Variants in FOXK1 observed in about 807,000 individuals in gnomAD.
FOXK1 encodes forkhead box K1, also known as forkhead box protein K1.
In FOXK1, 19 loss-of-function variants were observed where a neutral mutation model predicts 51.9. The ratio of observed to expected loss-of-function variants is 0.37; its 90% CI spans 0.26 to 0.54. The LOEUF (loss-of-function observed/expected upper bound fraction) is 0.54. Ranked by LOEUF, FOXK1 falls within the 20% of genes least tolerant of loss-of-function variation. FOXK1 has a pLI of 0.87. For missense variants in FOXK1, 870 were observed against 1,032.7 expected, an observed-to-expected ratio of 0.84 and a Z score of 2.16; for synonymous variants, 537 against 482.6, an observed-to-expected ratio of 1.11 and a Z score of -1.48.
chr7:4,760,197 T>TG (rs1393188751), intron 7 of FOXK1, among the ~76,000 whole-genome samples: 3 of 152,226 alleles, frequency 2.0e-5, no homozygotes, highest in Non-Finnish European at 4.4e-5. Flanking sequence ...AGAATGAGCC[T>TG]GGGAAGACTG....
chr7:4,713,877 G>C (rs936626252), intron 1 of FOXK1, among the ~76,000 whole-genome samples: 5 of 151,910 alleles, frequency 3.3e-5, no homozygotes, highest in African/African-American at 1.2e-4. Flanking sequence ...CCAGGCTGGA[G>C]TGCAGTGGCG....
chr7:4,705,180 A>T (rs924931432), intron 1 of FOXK1, among the ~76,000 whole-genome samples: 3 of 151,656 alleles, frequency 2.0e-5, no homozygotes, highest in Non-Finnish European at 4.4e-5. Context: ...TTAAAGTCAG[A>T]ATTTTATTGT....
chr7:4,739,835 G>A (rs1780608289), intron 1 of FOXK1, among the ~76,000 whole-genome samples: 1 of 152,200 alleles, frequency 6.6e-6, no homozygotes, highest in Non-Finnish European at 1.5e-5. Context: ...TGCTATTTCA[G>A]TCTTCCAGTG....
chr7:4,701,177 A>G (rs1444905279), intron 1 of FOXK1, among the ~76,000 whole-genome samples: 1 of 152,220 alleles, frequency 6.6e-6, no homozygotes, highest in African/African-American at 2.4e-5. Flanking sequence ...AGGCTGCACG[A>G]TCAGAGCTAA....
Position 4,682,940 on chromosome 7 carries a change from C to T in FOXK1, c.560+72C>T, listed in dbSNP as rs1779771136. ...CGACCTCGATCTCTGAGGCCCGGGC[C>T]TGGGGATCCCCCTCCAGCTTCCTCG... On this transcript the variant is annotated intron_variant, in intron 1 of 8. Coordinates refer to ENST00000328914, the MANE Select transcript of FOXK1 (RefSeq NM_001037165.2). The surrounding 1 kb of genome is among the most constrained non-coding windows in gnomAD (Gnocchi z 7.6). The T allele has an allele frequency of 7.4e-7, 1 of 1,354,170 alleles. No individual in the cohort carries two copies. The highest frequency in any genetic ancestry group is 1.5e-5 in the African/African-American group (1 of 65,724). 83.9% of individuals were successfully genotyped at this position (1,354,170 alleles called of 1,614,324 possible). A position where few individuals can be genotyped will look rare whatever the true frequency, so the allele number is the denominator to read the frequency against.
chr7:4,690,104 A>G (rs1156499967), intron 1 of FOXK1, among the ~76,000 whole-genome samples: 4 of 152,242 alleles, frequency 2.6e-5, no homozygotes, highest in African/African-American at 7.2e-5. Flanking sequence ...AGGAAGCCAC[A>G]GAGGAGACAA....
intron 1 of FOXK1, among the ~76,000 whole-genome samples, chr7:4,701,593 A>T (rs192195065): frequency 6.6e-6 from 1 of 152,276 alleles, no homozygotes; most frequent in African/African-American, 2.4e-5. Flanking sequence ...CTGTCCCTGC[A>T]AAAAATAAAA....
Position 4,754,441 on chromosome 7 carries a change from G to A in FOXK1, c.747-18G>A, listed in dbSNP as rs1303273668. On this transcript the variant is annotated intron_variant, in intron 2 of 8. Coordinates refer to ENST00000328914, the MANE Select transcript of FOXK1 (RefSeq NM_001037165.2). Reference sequence around the variant, plus strand: ...CTCTTCAGAGCCATGAACTTACAGTGTCCTTCTCTCTCCTCAGTGTCCCCA... The same window carrying A: ...CTCTTCAGAGCCATGAACTTACAGTATCCTTCTCTCTCCTCAGTGTCCCCA... 1 of 1,610,934 alleles carries A rather than the reference G, an allele frequency of 6.2e-7. No individual in the cohort carries two copies. Among genetic ancestry groups the A allele is most frequent in the African/African-American group, 1.3e-5 (1 of 74,920 alleles).
At chr7:4,760,050 A>C in intron 7 of FOXK1, 1 of 168,818 alleles carries the variant, frequency 5.9e-6, no homozygotes, top group African/African-American at 2.5e-5. Context: ...AAACCCATGA[A>C]TCTCCGCAGA....
chr7:4,722,697 G>GA lies in FOXK1; in HGVS notation c.561-18140dup, dbSNP rs1780330518. Among the ~76,000 whole-genome samples, 2 of 152,238 alleles carry GA rather than the reference G, an allele frequency of 1.3e-5. No individual in the cohort carries two copies. On this transcript the variant is annotated intron_variant, in intron 1 of 8. Coordinates refer to ENST00000328914, the MANE Select transcript of FOXK1 (RefSeq NM_001037165.2). This position sits in a 1 kb window ranked among gnomAD's most constrained non-coding sequence, Gnocchi z 5.1. ...TGGGTGAAACGAGGAAGTCGTAGGAGACCCACCTCAGATGCTCGGGTGCAC... is the reference window on the plus strand; with the variant it reads ...TGGGTGAAACGAGGAAGTCGTAGGAGAACCCACCTCAGATGCTCGGGTGCAC...
In FOXK1 at chr7:4,731,758, C is replaced by CAAAAAAAAAAAAAA. The variant is rs374959543; in HGVS notation, c.561-9074_561-9061dup. Among the ~76,000 whole-genome samples the CAAAAAAAAAAAAAA allele has an allele frequency of 1.5e-5, 1 of 68,672 alleles. No individual in the cohort carries two copies. The highest frequency in any genetic ancestry group is 3.4e-5 in the Non-Finnish European group (1 of 29,832). The allele number at this position is 68,672 out of a possible 152,430, so 45.1% of individuals were successfully genotyped here. A position where few individuals can be genotyped will look rare whatever the true frequency, so the allele number is the denominator to read the frequency against. ...TGGGCAACAAAGCGAAACTCTGCCT[C>CAAAAAAAAAAAAAA]AAAAAAAAAAAAAAAAAAAGAAAAC... On this transcript the variant is annotated intron_variant, in intron 1 of 8. Coordinates refer to ENST00000328914, the MANE Select transcript of FOXK1 (RefSeq NM_001037165.2). The surrounding 1 kb of genome is among the most constrained non-coding windows in gnomAD (Gnocchi z 5.3).
intron 1 of FOXK1, among the ~76,000 whole-genome samples, chr7:4,706,935 G>A (rs1335696172): frequency 6.6e-6 from 1 of 152,170 alleles, no homozygotes; most frequent in Admixed American, 6.5e-5. Context: ...CCTTCTCCAA[G>A]GAGGGCTGTG....
chr7:4,701,801 G>C (rs1562371253), intron 1 of FOXK1, among the ~76,000 whole-genome samples: 1 of 152,272 alleles, frequency 6.6e-6, no homozygotes, highest in Non-Finnish European at 1.5e-5. Context: ...GCTGAGGCAG[G>C]AGAATGGTGG....
chr7:4,683,888 G>C lies in FOXK1; in HGVS notation c.560+1020G>C, dbSNP rs1392077706. On this transcript the variant is annotated intron_variant, in intron 1 of 8. Transcript: ENST00000328914. This position sits in a 1 kb window ranked among gnomAD's most constrained non-coding sequence, Gnocchi z 4.5. ...GCAGAGGCCTGGCGGGGAGGGGCGA[G>C]GACAGGAAGCCTGTGCCTCAGTTTA... 2.0e-5 allele frequency among the ~76,000 whole-genome samples: 3 copies of C among 152,136 alleles called. No individual in the cohort carries two copies. Among genetic ancestry groups the C allele is most frequent in the Non-Finnish European group, 2.9e-5 (2 of 68,012 alleles).
chr7:4,684,248 A>G (rs775952472), intron 1 of FOXK1, among the ~76,000 whole-genome samples: 16 of 152,068 alleles, frequency 1.1e-4, no homozygotes, highest in South Asian at 4.1e-4. Flanking sequence ...TATTTCTTCA[A>G]TGTGGTTCTT....
At chr7:4,702,352 A>AT (rs955554983) in intron 1 of FOXK1, among the ~76,000 whole-genome samples, 5 of 151,240 alleles carry the variant, frequency 3.3e-5, no homozygotes, top group Admixed American at 6.6e-5. Flanking sequence ...TTATTTATTT[A>AT]TTTTTTTTGA....
At chr7:4,726,277 G>A (rs1182340472) in intron 1 of FOXK1, among the ~76,000 whole-genome samples, 10 of 152,292 alleles carry the variant, frequency 6.6e-5, no homozygotes, top group South Asian at 2.1e-4. Context: ...GCTGCAGACC[G>A]TCTGTTGGAG....
Position 4,743,986 on chromosome 7 carries a change from C to T in FOXK1, c.746+2963C>T, listed in dbSNP as rs1562386489. ...CCACCTCCCTGGTTCAAGCAATTCC[C>T]CTGTCTCAGCCTTGAGAGTAGGTGG... On this transcript the variant is annotated intron_variant, in intron 2 of 8. Coordinates refer to ENST00000328914, the MANE Select transcript of FOXK1 (RefSeq NM_001037165.2). This position sits in a 1 kb window ranked among gnomAD's most constrained non-coding sequence, Gnocchi z 5.3. 2.0e-5 allele frequency among the ~76,000 whole-genome samples: 3 copies of T among 152,022 alleles called. No individual in the cohort carries two copies. Among genetic ancestry groups the T allele is most frequent in the African/African-American group, 7.3e-5 (3 of 41,366 alleles).
In FOXK1 at chr7:4,683,398, A is replaced by G. The variant is rs1779778696; in HGVS notation, c.560+530A>G. 6.6e-6 allele frequency among the ~76,000 whole-genome samples: 1 copy of G among 150,966 alleles called. No homozygotes were observed. Among genetic ancestry groups the G allele is most frequent in the Non-Finnish European group, 1.5e-5 (1 of 67,638 alleles). The stretch of plus-strand genomic sequence containing the variant: ...CGTCCCTACCCTGCCTAAACACGCA[A>G]GGTTAACCGCGACCCCCACTTCCTA... On this transcript the variant is annotated intron_variant, in intron 1 of 8. Transcript: ENST00000328914. This position sits in a 1 kb window ranked among gnomAD's most constrained non-coding sequence, Gnocchi z 4.5.
Sources: allele counts gnomAD v4.1 joint callset (sites outside exome capture counted in the v4.1 genomes callset), GRCh38; gene constraint gnomAD v4.1.1; non-coding constraint Gnocchi (gnomAD v3.1); transcripts MANE v1.5; gene names NCBI Gene and HGNC (gene_info 2026-07-23, HGNC 2026-07-21).